Variants in ACO2 observed in about 807,000 individuals in gnomAD.
The protein encoded by ACO2 is aconitase 2, also known as aconitate hydratase, mitochondrial.
Under a neutral mutation model 84.5 loss-of-function variants are expected in ACO2, and 31 were observed. That is an observed-to-expected ratio of 0.37 (90% confidence interval 0.28 to 0.50). The LOEUF (loss-of-function observed/expected upper bound fraction) is 0.50. Among genes scored for constraint, ACO2 ranks in the 20% least tolerant of loss-of-function variants. ACO2 has a pLI of 0.97. For synonymous variants in ACO2, 414 were observed against 412.7 expected, an observed-to-expected ratio of 1.00 and a Z score of -0.04; for missense variants, 685 against 1,029.3, an observed-to-expected ratio of 0.67 and a Z score of 4.58.
chr22:41,497,434 A>T (rs573332034), intron 1 of ACO2, among the ~76,000 whole-genome samples: 17 of 152,148 alleles, frequency 1.1e-4, no homozygotes, highest in African/African-American at 2.9e-4. Flanking sequence ...GAAGGTTGTT[A>T]TTCATAGTTT....
At chr22:41,474,901 C>T (rs2037994404) in intron 1 of ACO2, among the ~76,000 whole-genome samples, 1 of 151,896 alleles carries the variant, frequency 6.6e-6, no homozygotes, top group South Asian at 2.1e-4. Context: ...ACCCGGCCTG[C>T]ACAGTACTTA....
intron 1 of ACO2, among the ~76,000 whole-genome samples, chr22:41,496,498 G>A (rs1330661239): frequency 6.6e-6 from 1 of 152,136 alleles, no homozygotes; most frequent in East Asian, 1.9e-4. Flanking sequence ...AGAAATGATT[G>A]CTTGGAGAGG....
At chr22:41,494,285 T>C (rs955959296) in intron 1 of ACO2, among the ~76,000 whole-genome samples, 4 of 152,120 alleles carry the variant, frequency 2.6e-5, no homozygotes, top group Admixed American at 6.6e-5. Context: ...GAGATAATCA[T>C]AGGAGCCGCT....
In ACO2 at chr22:41,523,836, C is replaced by T; in HGVS notation, c.1377C>T (p.Asp459=). 2 of 1,612,026 alleles carry T rather than the reference C, an allele frequency of 1.2e-6. No homozygotes were observed. The highest frequency in any genetic ancestry group is 1.1e-5 in the South Asian group (1 of 90,998). ...GATCCCTCTGACCTGGCAGGAAGGA[C>T]ATCAAGAAGGGGGAGAAGAACACAA... The part of the protein sequence containing the change: ...GPCIGQWDRK[D]IKKGEKNTIV... Residue 459 remains aspartate (D), a synonymous_variant, in exon 12 of 18, where the codon GAC becomes GAT. Transcript: ENST00000216254.
In ACO2 at chr22:41,506,329, T is replaced by A. The variant is rs563219023; in HGVS notation, c.174-1462T>A. Among the ~76,000 whole-genome samples, 65 of 152,110 alleles carry A rather than the reference T, an allele frequency of 4.3e-4. 2 individuals are homozygous for A. The South Asian group carries it at 0.013, about 30-fold the overall frequency. ...GTGCAGTGGCGCTATCTCAGCTCAC[T>A]GCAAGCTCCGCCTCCCGGGTTCACG... On this transcript the variant is annotated intron_variant, in intron 2 of 17. Coordinates refer to ENST00000216254, the MANE Select transcript of ACO2 (RefSeq NM_001098.3).
chr22:41,509,097 G>C (rs1212594255), intron 3 of ACO2, among the ~76,000 whole-genome samples: 1 of 152,186 alleles, frequency 6.6e-6, no homozygotes, highest in East Asian at 1.9e-4. Context: ...CAACACTGGT[G>C]GGGGTAATAA....
chr22:41,518,411 G>A (rs555869133), intron 7 of ACO2, 70 bp from the exon 8 acceptor site: 1 of 1,207,916 alleles, frequency 8.3e-7, no homozygotes, highest in African/African-American at 1.5e-5. Context: ...GTGCTCAGGT[G>A]GGTGGTGAGT....
intron 16 of ACO2, 120 bp downstream of exon 16, chr22:41,527,540 C>A: frequency 7.3e-7 from 1 of 1,373,874 alleles, no homozygotes; most frequent in East Asian, 2.3e-5. Flanking sequence ...CCCACAGGCC[C>A]GTCAGCCTCT....
chr22:41,516,735 T>G (rs1451018971), intron 6 of ACO2, among the ~76,000 whole-genome samples: 2 of 152,126 alleles, frequency 1.3e-5, no homozygotes, highest in Admixed American at 6.5e-5. Context: ...TTTGTTCTTG[T>G]TTTTTGAGAC....
At position 41,515,992 on chromosome 22, in the gene ACO2, G is replaced by A. The variant is rs749699669; in HGVS notation, c.835+75G>A. ...TGGGTCTCCAGTTGGGAGTAGAAGC[G>A]GTGAATGGCCTTCACTTGAGAATCT... On this transcript the variant is annotated intron_variant, in intron 6 of 17. Coordinates refer to ENST00000216254, the MANE Select transcript of ACO2 (RefSeq NM_001098.3). This position sits in a 1 kb window ranked among gnomAD's most constrained non-coding sequence, Gnocchi z 5.8. The A allele has an allele frequency of 6.2e-5, 96 of 1,537,816 alleles. No homozygotes were observed. The East Asian group carries it at 1.4e-3, about 22-fold the overall frequency.
intron 17 of ACO2, 199 bp downstream of exon 17, chr22:41,528,221 C>A: frequency 1.2e-6 from 1 of 854,144 alleles, no homozygotes; most frequent in Non-Finnish European, 1.8e-6. Context: ...GCCCTCACAC[C>A]TCCCCAACCT....
intron 14 of ACO2, among the ~76,000 whole-genome samples, 170 bp downstream of exon 14, chr22:41,525,518 G>A (rs1022503731): frequency 2.6e-5 from 4 of 152,224 alleles, no homozygotes; most frequent in Non-Finnish European, 5.9e-5. Context: ...GCAGTCCAGC[G>A]TCCCCCTTCT....
At chr22:41,518,457 A>G in intron 7 of ACO2, 24 bp from the exon 8 acceptor site, 2 of 1,585,206 alleles carry the variant, frequency 1.3e-6, no homozygotes, top group Non-Finnish European at 1.7e-6. Context: ...CACGTGCTCC[A>G]TCCCCGTCCC....
Position 41,522,880 on chromosome 22 carries a change from G to A in ACO2, c.1189G>A (p.Ala397Thr), listed in dbSNP as rs2066538161. ...AAGCTATGAAGATATGGGGCGCTCA[G>A]CAGCTGTGGCCAAGCAGGCACTGGC... ...NSSYEDMGRS[A>T]AVAKQALAHG... Residue 397 changes from alanine to threonine, a missense_variant, in exon 10 of 18, where the codon GCA becomes ACA. Ala to Thr is a moderately conservative substitution (Grantham distance 58). Coordinates refer to ENST00000216254, the MANE Select transcript of ACO2 (RefSeq NM_001098.3). 1 of 1,614,222 alleles carries A rather than the reference G, an allele frequency of 6.2e-7. No individual in the cohort carries two copies. Among genetic ancestry groups the A allele is most frequent in the Non-Finnish European group, 8.5e-7 (1 of 1,180,040 alleles).
At chr22:41,469,877 C>T (rs561977857) in intron 1 of ACO2, among the ~76,000 whole-genome samples, 20 of 152,236 alleles carry the variant, frequency 1.3e-4, no homozygotes, top group Non-Finnish European at 2.2e-4. Context: ...GGTGAAAGTT[C>T]TGATTCTCAA....
chr22:41,513,366 G>T (rs1333677347), intron 4 of ACO2, among the ~76,000 whole-genome samples: 2 of 152,022 alleles, frequency 1.3e-5, no homozygotes, highest in Non-Finnish European at 2.9e-5. Flanking sequence ...AATGCCCAGG[G>T]GCCATGGGAG....
At chr22:41,523,097 G>A in intron 10 of ACO2, 108 bp from the exon 11 acceptor site, 7 of 1,542,858 alleles carry the variant, frequency 4.5e-6, no homozygotes, top group Non-Finnish European at 3.5e-6. Flanking sequence ...GGTCCCAGTG[G>A]CTGCCCTGGG....
intron 1 of ACO2, among the ~76,000 whole-genome samples, chr22:41,476,671 C>G (rs760523406): frequency 4.6e-5 from 7 of 152,068 alleles, no homozygotes; most frequent in Non-Finnish European, 1.0e-4. Context: ...GATTGCGCCA[C>G]TGTACTCCAG....
At chr22:41,525,114 A>G (rs2146139666) in intron 13 of ACO2, 79 bp from the exon 14 acceptor site, 2 of 1,594,638 alleles carry the variant, frequency 1.3e-6, no homozygotes, top group Non-Finnish European at 8.6e-7. Context: ...GTGGGGCCCG[A>G]GGAAACTTGC....
Sources: gnomAD v4.1 joint callset for allele counts (sites outside exome capture counted in the v4.1 genomes callset) on GRCh38, gnomAD v4.1.1 for gene constraint, Gnocchi (gnomAD v3.1) non-coding constraint, MANE v1.5 for transcripts, NCBI Gene and HGNC (gene_info 2026-07-23, HGNC 2026-07-21) for gene names.